AVIL: variants seen among roughly 807,000 people sequenced by gnomAD.
The protein encoded by AVIL is advillin.
AVIL carries 78 observed loss-of-function variants against 109.9 expected under a neutral mutation model. The observed-to-expected ratio is 0.71, with a 90% confidence interval of 0.59 to 0.86. The LOEUF (loss-of-function observed/expected upper bound fraction) is 0.86, where lower values mean the gene tolerates loss of function less well. Ranked by LOEUF, AVIL falls within the 40% of genes least tolerant of loss-of-function variation. AVIL has a pLI of 0.00. For missense variants in AVIL, 892 were observed against 1,016.5 expected, an observed-to-expected ratio of 0.88 and a Z score of 1.67; for synonymous variants, 367 against 379.1, an observed-to-expected ratio of 0.97 and a Z score of 0.37.
intron 14 of AVIL, chr12:57,804,106 TA>T (rs1955903888): frequency 6.4e-6 from 1 of 155,560 alleles, no homozygotes; most frequent in Non-Finnish European, 1.4e-5. Context: ...GTCCCAAAAT[TA>T]TCTGGGGTGC....
intron 13 of AVIL, 49 bp downstream of exon 13, chr12:57,807,282 A>T (rs766690154): frequency 6.2e-6 from 10 of 1,611,840 alleles, no homozygotes; most frequent in Admixed American, 3.3e-5. Context: ...CTGGTTTGTT[A>T]GTTTGGAACG....
Position 57,797,582 on chromosome 12 carries a change from ATTGTTTTTTGGTTCTC to A in AVIL, c.*284_*299del. On this transcript the variant is annotated 3_prime_UTR_variant, in exon 20 of 20. Coordinates refer to ENST00000549994, the MANE Select transcript of AVIL (RefSeq NM_006576.4). ...CATAAAGTTATTAAACATTTTAAGC[ATTGTTTTTTGGTTCTC>A]TTTCTTTTGATTTCTCCAGATTTAT... 1 of 922,478 alleles carries A rather than the reference ATTGTTTTTTGGTTCTC, an allele frequency of 1.1e-6. No individual in the cohort carries two copies. Among genetic ancestry groups the A allele is most frequent in the Non-Finnish European group, 1.3e-6 (1 of 768,036 alleles). The allele number at this position is 922,478 out of a possible 1,614,324, so 57.1% of individuals were successfully genotyped here.
At chr12:57,799,657 G>A in intron 19 of AVIL, 138 bp downstream of exon 19, 1 of 1,176,382 alleles carries the variant, frequency 8.5e-7, no homozygotes, top group Non-Finnish European at 1.2e-6. Context: ...GGTTTTTTTT[G>A]GTTTGAGTTC....
At position 57,799,873 on chromosome 12, in the gene AVIL, T is replaced by G; in HGVS notation, c.2268A>C (p.Pro756=). The G allele has an allele frequency of 6.2e-7, 1 of 1,614,188 alleles. No individual in the cohort carries two copies. The highest frequency in any genetic ancestry group is 8.5e-7 in the Non-Finnish European group (1 of 1,180,016). ...ACAGAACTGCTATAGGGTAATATTT[T>G]GGCTCACTGTCATTAGAATTCAGGG... ...TLSLNSNDSE[P]KYYPIAVLLK... The change falls in exon 19 of 20, where the codon CCA becomes CCC. Residue 756 remains proline (P), a synonymous_variant. Coordinates refer to ENST00000549994, the MANE Select transcript of AVIL (RefSeq NM_006576.4).
chr12:57,815,034 G>A (rs1045991559), intron 2 of AVIL: 3 of 152,272 alleles, frequency 2.0e-5, no homozygotes, highest in African/African-American at 7.2e-5. Flanking sequence ...CTCACTGCAA[G>A]CTCCGCCTCC....
intron 16 of AVIL, 35 bp downstream of exon 16, chr12:57,803,212 T>G: frequency 6.2e-7 from 1 of 1,613,114 alleles, no homozygotes; most frequent in Non-Finnish European, 8.5e-7. Context: ...TGTGGGAGTC[T>G]TTCTCATGTT....
At chr12:57,800,785 T>G (rs1317321919) in intron 18 of AVIL, 1 of 163,278 alleles carries the variant, frequency 6.1e-6, no homozygotes, top group East Asian at 1.8e-4. Context: ...TTTTCATATT[T>G]TTAGTAGAGA....
chr12:57,806,157 A>ATTT, intron 14 of AVIL: 1 of 51,300 alleles, frequency 1.9e-5, no homozygotes, highest in Non-Finnish European at 3.6e-5. Context: ...TTTTTTTTTT[A>ATTT]ATATCAAACG....
In AVIL at chr12:57,807,428, C is replaced by A; in HGVS notation, c.1394G>T (p.Arg465Leu). Residue 465 changes from arginine (R) to leucine (L), a missense_variant, in exon 13 of 20, where the codon CGG becomes CTG. Physicochemically the swap from Arg to Leu is moderately radical, Grantham distance 102. Transcript: ENST00000549994. ...CTGCACAGCAGCCCCATCAAACTGC[C>A]GATCCACCTCCACTGCCTGGTATGC... ...ASAYQAVEVD[R>L]QFDGAAVQVR... 1.2e-6 allele frequency: 2 copies of A among 1,614,220 alleles called. No homozygotes were observed. The highest frequency in any genetic ancestry group is 1.7e-6 in the Non-Finnish European group (2 of 1,180,030).
chr12:57,806,371 A>C lies in AVIL; in HGVS notation c.1660T>G (p.Trp554Gly). The C allele has an allele frequency of 6.2e-7, 1 of 1,613,852 alleles. No homozygotes were observed. Among genetic ancestry groups the C allele is most frequent in the Non-Finnish European group, 8.5e-7 (1 of 1,179,960 alleles). ...LLRTQAEHYL[W>G]YGKGSSGDER... ...CCCAGCCATCCTACCTTGCCATACC[A>C]CAGGTAGTGCTCTGCCTGAGTTCGC... is the stretch of plus-strand genomic sequence containing the variant. Residue 554 changes from tryptophan (W) to glycine (G), a missense_variant, in exon 14 of 20, where the codon TGG becomes GGG. Coordinates refer to ENST00000549994, the MANE Select transcript of AVIL (RefSeq NM_006576.4).
rs1178800088 is a variant in AVIL at position 57,818,687 on chromosome 12, G to C, written c.-78C>G. 6.6e-6 allele frequency: 1 copy of C among 152,224 alleles called. No individual in the cohort carries two copies. 9.4% of individuals were successfully genotyped at this position (152,224 alleles called of 1,614,324 possible). Reference sequence around the variant, plus strand: ...CCGGCGCGTAAGCAGCAGCAGTATTGAAGAACCACTCCAAAGCAGGAGGCT... The same window carrying C: ...CCGGCGCGTAAGCAGCAGCAGTATTCAAGAACCACTCCAAAGCAGGAGGCT... On this transcript the variant is annotated 5_prime_UTR_variant, in exon 1 of 20. Coordinates refer to ENST00000549994, the MANE Select transcript of AVIL (RefSeq NM_006576.4).
intron 18 of AVIL, among the ~76,000 whole-genome samples, chr12:57,800,804 C>T (rs1955831384): frequency 6.6e-6 from 1 of 152,130 alleles, no homozygotes; most frequent in African/African-American, 2.4e-5. Context: ...GACGGGGTTT[C>T]ACCATATTAG....
intron 9 of AVIL, 122 bp downstream of exon 9, chr12:57,809,475 C>A: frequency 8.9e-7 from 1 of 1,123,868 alleles, no homozygotes; most frequent in South Asian, 1.5e-5. Context: ...CCTGACTTTG[C>A]AGTCCATGTA....
At chr12:57,809,279 C>T (rs1328670184) in intron 9 of AVIL, 3 of 333,230 alleles carry the variant, frequency 9.0e-6, no homozygotes, top group South Asian at 3.1e-5. Flanking sequence ...GGATTACAGG[C>T]GTGAGCCACT....
chr12:57,813,063 T>G (rs761564253), intron 4 of AVIL, among the ~76,000 whole-genome samples, 164 bp downstream of exon 4: 1 of 152,212 alleles, frequency 6.6e-6, no homozygotes, highest in Non-Finnish European at 1.5e-5. Context: ...TGCCAACACT[T>G]GGCACCTCCC....
chr12:57,800,450 A>G (rs1405464732), intron 18 of AVIL: 1 of 153,730 alleles, frequency 6.5e-6, no homozygotes, highest in Non-Finnish European at 1.4e-5. Flanking sequence ...TCTTTTAACC[A>G]TTAAAATAGG....
intron 14 of AVIL, among the ~76,000 whole-genome samples, chr12:57,805,536 G>GTT (rs755933666): frequency 3.2e-4 from 45 of 142,418 alleles, no homozygotes; most frequent in African/African-American, 4.3e-4. Flanking sequence ...CTTTCAGTGA[G>GTT]TTTTTTTTTT....
At chr12:57,798,917 G>A (rs1447000637) in intron 19 of AVIL, among the ~76,000 whole-genome samples, 1 of 152,084 alleles carries the variant, frequency 6.6e-6, no homozygotes, top group Non-Finnish European at 1.5e-5. Context: ...GCCCGGCCAA[G>A]AAATTTATTC....
intron 9 of AVIL, chr12:57,808,830 A>C (rs908437165): frequency 2.6e-5 from 10 of 389,224 alleles, no homozygotes; most frequent in Non-Finnish European, 2.8e-5. Context: ...GTCCTTACTG[A>C]CTTTGCATCA....
Sources: allele counts gnomAD v4.1 joint callset (sites outside exome capture counted in the v4.1 genomes callset), GRCh38; gene constraint gnomAD v4.1.1; transcripts MANE v1.5; gene names NCBI Gene and HGNC (gene_info 2026-07-23, HGNC 2026-07-21).